Variants in PRLR observed in about 807,000 individuals in gnomAD.
PRLR encodes prolactin receptor.
PRLR carries 13 observed loss-of-function variants against 40.2 expected under a neutral mutation model. The observed-to-expected ratio is 0.32, with a 90% CI of 0.21 to 0.51. The LOEUF is 0.51. PRLR is among the 20% of genes least tolerant of loss of function. PRLR has a pLI of 0.97. For synonymous variants in PRLR, 269 were observed against 278.7 expected, an observed-to-expected ratio of 0.97 and a Z score of 0.35; for missense variants, 656 against 747.3, an observed-to-expected ratio of 0.88 and a Z score of 1.42.
intron 1 of PRLR, among the ~76,000 whole-genome samples, chr5:35,145,648 A>G (rs1048065028): frequency 6.6e-6 from 1 of 152,230 alleles, no homozygotes; most frequent in African/African-American, 2.4e-5. Context: ...CTTTGCCCGC[A>G]TGAGAATTAA....
At chr5:35,220,760 T>A (rs1473558739) in intron 1 of PRLR, among the ~76,000 whole-genome samples, 6 of 152,178 alleles carry the variant, frequency 3.9e-5, no homozygotes. Context: ...CGTTCTCCCC[T>A]GCGATCTTTT....
downstream of PRLR, among the ~76,000 whole-genome samples, chr5:35,053,960 A>G (rs952410009): frequency 2.0e-5 from 3 of 152,356 alleles, no homozygotes; most frequent in East Asian, 3.9e-4. Flanking sequence ...GATACACAGA[A>G]AAATGGGCCA....
chr5:35,072,982 G>C (rs557321898), intron 5 of PRLR, among the ~76,000 whole-genome samples: 2 of 152,186 alleles, frequency 1.3e-5, no homozygotes, highest in South Asian at 4.1e-4. Context: ...TTCATTCTCC[G>C]CATGTTCTCG....
chr5:35,135,963 C>T (rs1004996664), intron 1 of PRLR, among the ~76,000 whole-genome samples: 1 of 152,094 alleles, frequency 6.6e-6, no homozygotes, highest in Non-Finnish European at 1.5e-5. Flanking sequence ...TCCTTACCTT[C>T]GGAATTCGAA....
At chr5:35,227,353 G>A (rs754798889) in intron 1 of PRLR, among the ~76,000 whole-genome samples, 3 of 152,168 alleles carry the variant, frequency 2.0e-5, no homozygotes, top group Admixed American at 6.5e-5. Context: ...AGACAGACCT[G>A]GGCTTGGATC....
intron 2 of PRLR, among the ~76,000 whole-genome samples, chr5:35,098,569 G>A (rs249534): frequency 0.06 from 9,065 of 152,240 alleles, 649 homozygotes; most frequent in East Asian, 0.18. Context: ...GGAGCTCTGT[G>A]TATATTATAT....
intron 2 of PRLR, 29 bp downstream of exon 2, chr5:35,118,032 C>A: frequency 1.0e-6 from 1 of 974,766 alleles, no homozygotes; most frequent in Non-Finnish European, 1.2e-6. Context: ...GTGGTGTGAC[C>A]GAGGGGCATG....
At chr5:35,135,046 G>C (rs1773810107) in intron 1 of PRLR, among the ~76,000 whole-genome samples, 1 of 151,318 alleles carries the variant, frequency 6.6e-6, no homozygotes, top group Non-Finnish European at 1.5e-5. Flanking sequence ...TCCATTCAAG[G>C]CTACATAAAT....
chr5:35,066,136 T>A (rs945056830), intron 9 of PRLR, 34 bp from the exon 10 acceptor site: 7 of 1,579,300 alleles, frequency 4.4e-6, no homozygotes, highest in Middle Eastern at 2.1e-4. Context: ...GAGATGGCTG[T>A]TAGCTTCATA....
At chr5:35,126,296 G>T (rs1352603999) in intron 1 of PRLR, among the ~76,000 whole-genome samples, 1 of 152,140 alleles carries the variant, frequency 6.6e-6, no homozygotes, top group African/African-American at 2.4e-5. Context: ...CCATAAGCCA[G>T]GGGATCTGGC....
intron 1 of PRLR, among the ~76,000 whole-genome samples, chr5:35,136,307 G>A (rs1172303280): frequency 6.6e-6 from 1 of 152,176 alleles, no homozygotes. Context: ...AAAAAGAGAC[G>A]AGCAGCTTGG....
intron 1 of PRLR, among the ~76,000 whole-genome samples, chr5:35,191,830 C>T (rs750621063): frequency 6.6e-6 from 1 of 152,194 alleles, no homozygotes; most frequent in Non-Finnish European, 1.5e-5. Context: ...TAGGCTGCAC[C>T]CTTACGATTT....
intron 1 of PRLR, among the ~76,000 whole-genome samples, chr5:35,169,738 T>C (rs1463664711): frequency 6.6e-6 from 1 of 152,260 alleles, no homozygotes; most frequent in East Asian, 1.9e-4. Context: ...TACCCTAGAC[T>C]TTTTGAATTA....
chr5:35,110,152 A>G (rs767150797), intron 2 of PRLR, among the ~76,000 whole-genome samples: 24 of 152,060 alleles, frequency 1.6e-4, no homozygotes, highest in Non-Finnish European at 2.4e-4. Flanking sequence ...TCACTCACAG[A>G]TGGGATTTGA....
intron 1 of PRLR, among the ~76,000 whole-genome samples, chr5:35,158,313 C>T (rs1478271198): frequency 6.6e-6 from 1 of 152,110 alleles, no homozygotes; most frequent in Non-Finnish European, 1.5e-5. Flanking sequence ...GTTATTTCCA[C>T]TTACAACGCA....
chr5:35,193,888 G>A (rs1226517954), intron 1 of PRLR, among the ~76,000 whole-genome samples: 1 of 152,166 alleles, frequency 6.6e-6, no homozygotes, highest in Non-Finnish European at 1.5e-5. Flanking sequence ...CTTACTCTGA[G>A]GCAAGAATGC....
intron 2 of PRLR, among the ~76,000 whole-genome samples, chr5:35,101,850 T>C (rs973954456): frequency 1.3e-5 from 2 of 149,874 alleles, no homozygotes; most frequent in Non-Finnish European, 3.0e-5. Context: ...ATTTTTGAGA[T>C]GGACTCTTGC....
At chr5:35,133,953 A>T (rs879000121) in intron 1 of PRLR, among the ~76,000 whole-genome samples, 2 of 152,228 alleles carry the variant, frequency 1.3e-5, no homozygotes, top group Non-Finnish European at 2.9e-5. Context: ...CAAACATTGT[A>T]TGCTCTCACT....
chr5:35,154,200 CCT>C lies in PRLR; in HGVS notation c.-105-36080_-105-36079del, dbSNP rs1579739535. On this transcript the variant is annotated intron_variant, in intron 1 of 9. Coordinates refer to ENST00000618457, the MANE Select transcript of PRLR (RefSeq NM_000949.7). ...ATTATAGAACTGTCAAGCTCAAAGA[CCT>C]CTGAGAAGTCAGAGGCAAAGGTATC... Among the ~76,000 whole-genome samples, 3 of 152,120 alleles carry C rather than the reference CCT, an allele frequency of 2.0e-5. No homozygotes were observed. The East Asian group carries it at 5.8e-4, about 29-fold the overall frequency.
Sources: allele counts gnomAD v4.1 joint callset (sites outside exome capture counted in the v4.1 genomes callset), GRCh38; gene constraint gnomAD v4.1.1; transcripts MANE v1.5; gene names NCBI Gene and HGNC (gene_info 2026-07-23, HGNC 2026-07-21).